CSMD1: variants seen among roughly 807,000 people sequenced by gnomAD.
The protein encoded by CSMD1 is CUB and Sushi multiple domains 1, also known as CUB and sushi domain-containing protein 1.
CSMD1 carries 213 observed loss-of-function variants against 417.5 expected under a neutral mutation model. That is an observed-to-expected ratio of 0.51 (90% CI 0.46 to 0.57). The LOEUF (loss-of-function observed/expected upper bound fraction) is 0.57. CSMD1 is among the 20% of genes least tolerant of loss of function. CSMD1 has a pLI of 0.00. For missense variants in CSMD1, 6,923 were observed against 4,529.7 expected (o/e 1.53, Z -15.17); for synonymous variants, 2,862 against 1,736.8 (o/e 1.65, Z -16.11).
intron 1 of CSMD1, among the ~76,000 whole-genome samples, chr8:4,773,869 G>A (rs765672167): frequency 1.6e-4 from 25 of 152,248 alleles, no homozygotes; most frequent in Non-Finnish European, 2.2e-4. Context: ...ACTCACCAGT[G>A]CCCAAACTAT....
At chr8:4,077,743 G>C (rs555659088) in intron 3 of CSMD1, among the ~76,000 whole-genome samples, 28 of 152,158 alleles carry the variant, frequency 1.8e-4, no homozygotes, top group African/African-American at 4.6e-4. Context: ...TTATTCTCTT[G>C]TCCCAATGCT....
intron 37 of CSMD1, among the ~76,000 whole-genome samples, chr8:3,163,204 T>C (rs548706017): frequency 1.3e-5 from 2 of 152,334 alleles, no homozygotes; most frequent in South Asian, 2.1e-4. Context: ...AAATAATTTA[T>C]TCCATTATTC....
intron 4 of CSMD1, among the ~76,000 whole-genome samples, chr8:4,023,554 C>A (rs1182868164): frequency 6.6e-6 from 1 of 151,386 alleles, no homozygotes; most frequent in East Asian, 2.0e-4. Flanking sequence ...CACGCACTTA[C>A]CAAAATATGA....
chr8:4,339,753 G>C (rs749529625), intron 3 of CSMD1, among the ~76,000 whole-genome samples: 1 of 152,134 alleles, frequency 6.6e-6, no homozygotes, highest in African/African-American at 2.4e-5. Context: ...GCTGAGTGCA[G>C]GGGCTTACAC....
At chr8:4,683,139 G>T (rs916559163) in intron 1 of CSMD1, among the ~76,000 whole-genome samples, 10 of 151,380 alleles carry the variant, frequency 6.6e-5, no homozygotes, top group Non-Finnish European at 2.9e-5. Flanking sequence ...GAATTAGTAT[G>T]GTCAGTTCTG....
chr8:3,537,111 C>T (rs978801726), intron 10 of CSMD1, among the ~76,000 whole-genome samples: 1 of 152,102 alleles, frequency 6.6e-6, no homozygotes. Flanking sequence ...TCCAGCAATT[C>T]CCCTGCCTCA....
intron 1 of CSMD1, among the ~76,000 whole-genome samples, chr8:4,982,184 A>C (rs1459517203): frequency 1.3e-5 from 2 of 152,228 alleles, no homozygotes; most frequent in Non-Finnish European, 2.9e-5. Context: ...AGCCATGCAC[A>C]GACCCCTGAC....
At chr8:3,620,009 G>A (rs966708592) in intron 7 of CSMD1, among the ~76,000 whole-genome samples, 4 of 152,156 alleles carry the variant, frequency 2.6e-5, no homozygotes, top group Non-Finnish European at 5.9e-5. Flanking sequence ...GGCTGAGACA[G>A]GAGAATAGCT....
At position 3,265,455 on chromosome 8, in the gene CSMD1, G is replaced by A. The variant is rs140729661; in HGVS notation, c.4153+18689C>T. Among the ~76,000 whole-genome samples, 442 of 152,288 alleles carry A rather than the reference G, an allele frequency of 2.9e-3. 6 individuals carry two copies. Among genetic ancestry groups the A allele is most frequent in the African/African-American group, 0.01 (424 of 41,560 alleles). ...TTATTTACTCTCAGGGATCAGAGAC[G>A]TTTCCTAAACAGAGTGGTGTTTAAC... On this transcript the variant is annotated intron_variant, in intron 26 of 69. Transcript: ENST00000635120.
chr8:3,249,711 C>T (rs189977026), intron 26 of CSMD1, among the ~76,000 whole-genome samples: 2 of 152,010 alleles, frequency 1.3e-5, no homozygotes, highest in African/African-American at 2.4e-5. Context: ...AAATAATAGA[C>T]ATTTATAATA....
intron 6 of CSMD1, among the ~76,000 whole-genome samples, chr8:3,724,743 T>C (rs991284574): frequency 1.3e-5 from 2 of 152,166 alleles, no homozygotes; most frequent in African/African-American, 2.4e-5. Context: ...AAAATTAGTA[T>C]TTTCTTCTGT....
chr8:4,311,407 C>A (rs534217416), intron 3 of CSMD1, among the ~76,000 whole-genome samples: 1 of 152,232 alleles, frequency 6.6e-6, no homozygotes, highest in East Asian at 1.9e-4. Context: ...GAACAGAAAA[C>A]CAAATACATG....
intron 10 of CSMD1, among the ~76,000 whole-genome samples, chr8:3,572,215 C>T (rs765303804): frequency 5.3e-5 from 8 of 152,188 alleles, no homozygotes; most frequent in Non-Finnish European, 1.0e-4. Context: ...GGAGCCCCCT[C>T]TCAGTCCAAG....
chr8:4,161,856 T>C (rs548713129), intron 3 of CSMD1, among the ~76,000 whole-genome samples: 60 of 152,362 alleles, frequency 3.9e-4, no homozygotes, highest in Non-Finnish European at 4.7e-4. Context: ...TTCTTTGCCA[T>C]AGAATTTAAT....
intron 1 of CSMD1, among the ~76,000 whole-genome samples, chr8:4,836,801 C>T (rs1800521040): frequency 6.6e-6 from 1 of 151,784 alleles, no homozygotes; most frequent in African/African-American, 2.4e-5. Flanking sequence ...CTGATGTAAT[C>T]GGGCCCTGTG....
chr8:2,960,299 G>A (rs955164329), intron 62 of CSMD1, among the ~76,000 whole-genome samples: 15 of 152,232 alleles, frequency 9.9e-5, no homozygotes, highest in Admixed American at 2.0e-4. Context: ...TCCCCTGTGG[G>A]ATGCAAGAGA....
chr8:4,973,918 T>C (rs1345741063), intron 1 of CSMD1, among the ~76,000 whole-genome samples: 9 of 152,206 alleles, frequency 5.9e-5, no homozygotes, highest in African/African-American at 1.9e-4. Flanking sequence ...AGTCTGTCTG[T>C]TTCTTGGAAT....
chr8:3,076,210 G>A (rs1351201005), intron 49 of CSMD1, among the ~76,000 whole-genome samples: 1 of 152,168 alleles, frequency 6.6e-6, no homozygotes, highest in Non-Finnish European at 1.5e-5. Flanking sequence ...GGTGTCGGCG[G>A]GGCTGGTTCT....
intron 25 of CSMD1, among the ~76,000 whole-genome samples, chr8:3,304,907 T>C (rs1804705349): frequency 6.6e-6 from 1 of 152,170 alleles, no homozygotes. Context: ...TAAAAGAAGA[T>C]AAATTATTTT....
Sources: allele counts gnomAD v4.1 joint callset (sites outside exome capture counted in the v4.1 genomes callset), GRCh38; gene constraint gnomAD v4.1.1; transcripts MANE v1.5; gene names NCBI Gene and HGNC (gene_info 2026-07-23, HGNC 2026-07-21).